NFATC1: variants seen among roughly 807,000 people sequenced by gnomAD.
NFATC1 encodes the protein nuclear factor of activated T-cells, cytoplasmic 1.
A neutral mutation model predicts 76.0 loss-of-function variants in NFATC1; 22 were observed. The ratio of observed to expected loss-of-function variants is 0.29; its 90% confidence interval spans 0.21 to 0.41. NFATC1 has a LOEUF of 0.41. NFATC1 is among the 10% of genes least tolerant of loss of function. The pLI, the probability that NFATC1 is intolerant of heterozygous loss-of-function variation, is 1.00. For missense variants in NFATC1, 1,357 were observed against 1,337.7 expected, an observed-to-expected ratio of 1.01 and a Z score of -0.23; for synonymous variants, 704 against 613.1, an observed-to-expected ratio of 1.15 and a Z score of -2.19.
intron 7 of NFATC1, among the ~76,000 whole-genome samples, chr18:79,464,710 ATT>A (rs1183533737): frequency 2.2e-5 from 2 of 92,030 alleles, no homozygotes; most frequent in Non-Finnish European, 2.2e-5. Context: ...TTATTTATTT[ATT>A]TTTTTTTTTT....
At chr18:79,489,850 C>T (rs1395379810) in intron 9 of NFATC1, among the ~76,000 whole-genome samples, 1 of 152,244 alleles carries the variant, frequency 6.6e-6, no homozygotes, top group Non-Finnish European at 1.5e-5. Context: ...AACCTGGGAG[C>T]AGCCACACAC....
rs1023844447 is a variant in NFATC1 at position 79,512,490 on chromosome 18, G to A, written c.2783-15038G>A. On this transcript the variant is annotated intron_variant, in intron 9 of 9. Transcript: ENST00000427363. ...GGAGAAGCAACCCTGGCTAGGAACC[G>A]GAGCCGGAGCAGCATCTGTGGCTCC... Among the ~76,000 whole-genome samples the A allele has an allele frequency of 4.6e-5, 7 of 152,210 alleles. No homozygotes were observed. The South Asian group carries it at 8.3e-4, about 18-fold the overall frequency.
At chr18:79,469,728 CTT>C (rs1178239814) in intron 8 of NFATC1, 6 of 985,780 alleles carry the variant, frequency 6.1e-6, no homozygotes, top group Middle Eastern at 5.2e-4. Context: ...TTCTCCCTCT[CTT>C]TGCCTCCGTC....
At chr18:79,447,032 C>T (rs573084400) in intron 3 of NFATC1, among the ~76,000 whole-genome samples, 11 of 152,300 alleles carry the variant, frequency 7.2e-5, no homozygotes, top group East Asian at 1.9e-4. Flanking sequence ...TGACAGCAGC[C>T]GTCGCTTCAC....
At position 79,524,433 on chromosome 18, in the gene NFATC1, GCTCT is replaced by G. The variant is rs1422303231; in HGVS notation, c.2783-3092_2783-3089del. Reference sequence around the variant, plus strand: ...GAGTGGTGTCAGGGTTGTCCATCCCGCTCTCTGTCAGCTGCTGCCATGGGGCAGC... The same window carrying G: ...GAGTGGTGTCAGGGTTGTCCATCCCGCTGTCAGCTGCTGCCATGGGGCAGC... On this transcript the variant is annotated intron_variant, in intron 9 of 9. Coordinates refer to ENST00000427363, the MANE Select transcript of NFATC1 (RefSeq NM_001278669.2). The surrounding 1 kb of genome is among the most constrained non-coding windows in gnomAD (Gnocchi z 7.2). Among the ~76,000 whole-genome samples, 1 of 152,232 alleles carries G rather than the reference GCTCT, an allele frequency of 6.6e-6. No individual in the cohort carries two copies. The highest frequency in any genetic ancestry group is 1.5e-5 in the Non-Finnish European group (1 of 68,042).
intron 1 of NFATC1, chr18:79,400,221 C>T (rs913360768): frequency 1.3e-5 from 15 of 1,182,498 alleles, no homozygotes; most frequent in Non-Finnish European, 1.6e-5. Flanking sequence ...CCGGCGGCCG[C>T]GAGCCGGTTG....
At chr18:79,427,095 G>A (rs563003093) in intron 2 of NFATC1, among the ~76,000 whole-genome samples, 8 of 152,298 alleles carry the variant, frequency 5.3e-5, no homozygotes, top group Admixed American at 3.9e-4. Flanking sequence ...AGCATGTCCC[G>A]GGTTCTTAGG....
chr18:79,451,177 C>A, intron 5 of NFATC1, 51 bp downstream of exon 5: 1 of 1,558,478 alleles, frequency 6.4e-7, no homozygotes, highest in Non-Finnish European at 8.7e-7. Flanking sequence ...CCGTCACATG[C>A]GCTTCACTGT....
At chr18:79,526,363 G>A (rs73481147) in intron 9 of NFATC1, among the ~76,000 whole-genome samples, 8,037 of 152,344 alleles carry the variant, frequency 0.053, 285 homozygotes, top group Admixed American at 0.09. Flanking sequence ...GCCAGGTCCC[G>A]TCTTGGGCAG....
rs745847514 is a variant in NFATC1, at chr18:79,486,705, A to G, written c.2550A>G (p.Pro850=). 1.3e-5 allele frequency: 21 copies of G among 1,592,760 alleles called. No homozygotes were observed. The highest frequency in any genetic ancestry group is 4.1e-5 in the African/African-American group (3 of 72,980). ...HSLCPSSPSP[P]LPPATQEPTC... ...TCTGCCCCAGCAGCCCCTCTCCTCC[A>G]CTCCCGCCTGCCACCCAAGAGCCGA... The change falls in exon 9 of 10, where the codon CCA becomes CCG. Residue 850 remains proline, a synonymous_variant. Coordinates refer to ENST00000427363, the MANE Select transcript of NFATC1 (RefSeq NM_001278669.2).
intron 2 of NFATC1, among the ~76,000 whole-genome samples, chr18:79,429,969 G>A (rs1023638717): frequency 2.6e-5 from 4 of 152,200 alleles, no homozygotes; most frequent in Admixed American, 6.5e-5. Context: ...AACTGTGACC[G>A]CTGTGGGGCA....
At chr18:79,488,402 C>T (rs62096904) in intron 9 of NFATC1, among the ~76,000 whole-genome samples, 3,354 of 151,972 alleles carry the variant, frequency 0.022, 58 homozygotes, top group Non-Finnish European at 0.034. Flanking sequence ...GAGTGTGTCC[C>T]GTCAGCCCAG....
intron 9 of NFATC1, among the ~76,000 whole-genome samples, chr18:79,503,393 A>T (rs947340048): frequency 3.3e-5 from 5 of 152,212 alleles, no homozygotes; most frequent in Non-Finnish European, 7.4e-5. Context: ...CAATGTGTCT[A>T]AAAAAACAGT....
intron 8 of NFATC1, among the ~76,000 whole-genome samples, chr18:79,477,393 G>C (rs1227328718): frequency 6.6e-6 from 1 of 152,222 alleles, no homozygotes; most frequent in Non-Finnish European, 1.5e-5. Context: ...GAACTGTCTT[G>C]GGATCATTCT....
At chr18:79,415,514 C>T (rs1373431324) in intron 2 of NFATC1, among the ~76,000 whole-genome samples, 2 of 151,530 alleles carry the variant, frequency 1.3e-5, no homozygotes, top group African/African-American at 4.8e-5. Context: ...GATCTCCTGA[C>T]CTCGTGATCC....
intron 2 of NFATC1, among the ~76,000 whole-genome samples, chr18:79,428,390 C>T (rs113625826): frequency 0.03 from 4,576 of 152,306 alleles, 81 homozygotes; most frequent in African/African-American, 0.049. Flanking sequence ...TTGGCAAAGA[C>T]CAAGCGCACC....
At chr18:79,462,202 C>T (rs1412379373) in intron 7 of NFATC1, among the ~76,000 whole-genome samples, 6 of 152,166 alleles carry the variant, frequency 3.9e-5, no homozygotes, top group East Asian at 3.8e-4. Context: ...CCCATCCCTG[C>T]GCTTCTGATC....
At chr18:79,403,439 C>G (rs2085332054) in intron 1 of NFATC1, among the ~76,000 whole-genome samples, 1 of 152,194 alleles carries the variant, frequency 6.6e-6, no homozygotes, top group African/African-American at 2.4e-5. Context: ...GGGCTTCCCT[C>G]TGCAGAGAGG....
chr18:79,528,418 G>A lies in NFATC1; in HGVS notation c.*841G>A, dbSNP rs1368950817. ...ATGTATAAATAATAACAGAGCCGACGTGTCCTCGCCCAGGAGGGCTTCCCT... is the reference window on the plus strand; with the variant it reads ...ATGTATAAATAATAACAGAGCCGACATGTCCTCGCCCAGGAGGGCTTCCCT... On this transcript the variant is annotated 3_prime_UTR_variant, in exon 10 of 10. Coordinates refer to ENST00000427363, the MANE Select transcript of NFATC1 (RefSeq NM_001278669.2). The A allele has an allele frequency of 2.6e-5, 4 of 152,470 alleles. No homozygotes were observed. Among genetic ancestry groups the A allele is most frequent in the African/African-American group, 9.6e-5 (4 of 41,598 alleles). The allele number at this position is 152,470 out of a possible 1,614,324, so 9.4% of individuals were successfully genotyped here.
Sources: allele counts gnomAD v4.1 joint callset (sites outside exome capture counted in the v4.1 genomes callset), GRCh38; gene constraint gnomAD v4.1.1; non-coding constraint Gnocchi (gnomAD v3.1); transcripts MANE v1.5; gene names NCBI Gene and HGNC (gene_info 2026-07-23, HGNC 2026-07-21).